The following USP48 variants were observed in gnomAD, a reference collection of about 807,000 sequenced individuals.
USP48 encodes the protein ubiquitin carboxyl-terminal hydrolase 48.
Under a neutral mutation model 150.7 loss-of-function variants are expected in USP48, and 43 were observed. That is an observed-to-expected ratio of 0.29 (90% CI 0.22 to 0.37). The LOEUF (loss-of-function observed/expected upper bound fraction) is 0.37. Ranked by LOEUF, USP48 falls within the 10% of genes least tolerant of loss-of-function variation. The pLI, the probability that USP48 is intolerant of heterozygous loss-of-function variation, is 1.00. For synonymous variants in USP48, 396 were observed against 425.9 expected (o/e 0.93, Z 0.86); for missense variants, 813 against 1,249.6 (o/e 0.65, Z 5.27).
intron 15 of USP48, among the ~76,000 whole-genome samples, chr1:21,709,115 G>A (rs970081598): frequency 2.0e-5 from 3 of 151,742 alleles, no homozygotes; most frequent in Non-Finnish European, 4.4e-5. Context: ...CGAACTTCTG[G>A]TTTTAAGCAA....
intron 1 of USP48, among the ~76,000 whole-genome samples, chr1:21,763,594 A>C (rs2097855057): frequency 6.6e-6 from 1 of 152,222 alleles, no homozygotes; most frequent in African/African-American, 2.4e-5. Flanking sequence ...CGGGCAGATC[A>C]CCTGAGGTCG....
chr1:21,721,726 G>A lies in USP48; in HGVS notation c.1687C>T (p.Arg563Cys), dbSNP rs1360892415. The A allele has an allele frequency of 3.1e-6, 5 of 1,607,222 alleles. No homozygotes were observed. The highest frequency in any genetic ancestry group is 1.3e-5 in the African/African-American group (1 of 74,736). The change falls in exon 13 of 27, where the codon CGC becomes TGC. Residue 563 changes from arginine to cysteine, a missense_variant. Coordinates refer to ENST00000308271, the MANE Select transcript of USP48 (RefSeq NM_032236.8). The stretch of plus-strand genomic sequence containing the variant: ...AGTTGGTTCTTCAGACGCAATATGC[G>A]ACAACGTTCTACTACACATTCCTTA... ...LCKECVVERC[R>C]ILRLKNQLNE...
intron 1 of USP48, among the ~76,000 whole-genome samples, chr1:21,763,832 G>C (rs2097855598): frequency 7.1e-6 from 1 of 141,548 alleles, no homozygotes; most frequent in Admixed American, 7.0e-5. Flanking sequence ...AGGAAGGGAG[G>C]AAGGAAGGGA....
intron 25 of USP48, 110 bp downstream of exon 25, chr1:21,687,081 C>A: frequency 9.9e-7 from 1 of 1,011,772 alleles, no homozygotes; most frequent in Non-Finnish European, 1.5e-6. Flanking sequence ...TATGTGGAAG[C>A]TTTTTTCAAG....
chr1:21,703,903 T>A (rs1364371225), intron 20 of USP48, among the ~76,000 whole-genome samples: 1 of 152,154 alleles, frequency 6.6e-6, no homozygotes, highest in Non-Finnish European at 1.5e-5. Context: ...TTTATTATTT[T>A]GTAGAGAGAA....
Position 21,782,906 on chromosome 1 carries a change from C to A in USP48, c.52G>T (p.Val18Leu). ...EKAAWRWAET[V>L]RPEEVSQEHI... ...TCCTGCGACACCTCCTCGGGCCGCA[C>A]CGTCTCCGCCCAGCGCCAGGCCGCC... The change falls in exon 1 of 27, where the codon GTG becomes TTG. Residue 18 changes from valine to leucine, a missense_variant. Coordinates refer to ENST00000308271, the MANE Select transcript of USP48 (RefSeq NM_032236.8). 6.4e-7 allele frequency: 1 copy of A among 1,552,134 alleles called. No individual in the cohort carries two copies. The highest frequency in any genetic ancestry group is 1.9e-5 in the Admixed American group (1 of 51,656).
intron 1 of USP48, among the ~76,000 whole-genome samples, chr1:21,773,126 G>A (rs1340020321): frequency 6.6e-6 from 1 of 150,480 alleles, no homozygotes; most frequent in Non-Finnish European, 1.5e-5. Flanking sequence ...ATAGTGGCAG[G>A]CACCTGTAGT....
At chr1:21,755,455 G>T (rs2097830076) in intron 3 of USP48, among the ~76,000 whole-genome samples, 1 of 152,166 alleles carries the variant, frequency 6.6e-6, no homozygotes, top group Non-Finnish European at 1.5e-5. Context: ...CAACTACTCG[G>T]GGGGGCTCTG....
intron 8 of USP48, among the ~76,000 whole-genome samples, 157 bp from the exon 9 acceptor site, chr1:21,736,782 A>G (rs2097769683): frequency 6.6e-6 from 1 of 152,230 alleles, no homozygotes; most frequent in African/African-American, 2.4e-5. Context: ...AATAATGTAT[A>G]ATTACACTCC....
intron 11 of USP48, chr1:21,727,798 G>A: frequency 1.1e-6 from 1 of 892,426 alleles, no homozygotes. Context: ...TTTGCTTAAA[G>A]TTATACTAGT....
At chr1:21,756,829 C>T in intron 2 of USP48, 127 bp from the exon 3 acceptor site, 1 of 1,436,212 alleles carries the variant, frequency 7.0e-7, no homozygotes, top group Non-Finnish European at 9.1e-7. Context: ...GTATAGCCAC[C>T]TTAAGTTTCT....
chr1:21,683,617 G>A (rs2097572774), intron 25 of USP48, among the ~76,000 whole-genome samples: 1 of 152,136 alleles, frequency 6.6e-6, no homozygotes, highest in Non-Finnish European at 1.5e-5. Context: ...GAACTCTTGG[G>A]TTCAAGTGAT....
chr1:21,715,261 G>T, intron 15 of USP48, 128 bp downstream of exon 15: 1 of 593,138 alleles, frequency 1.7e-6, no homozygotes, highest in Non-Finnish European at 3.0e-6. Context: ...TCTAAATATG[G>T]GGAAATTCTA....
intron 1 of USP48, among the ~76,000 whole-genome samples, chr1:21,770,860 C>T (rs1395837835): frequency 1.3e-5 from 2 of 151,962 alleles, no homozygotes; most frequent in Non-Finnish European, 2.9e-5. Context: ...CAGTGGCTCA[C>T]GCCTGTAATC....
chr1:21,756,455 TG>T (rs1245661812), intron 3 of USP48, 90 bp downstream of exon 3: 1 of 1,408,374 alleles, frequency 7.1e-7, no homozygotes, highest in Non-Finnish European at 9.4e-7. Context: ...CACTCTGGCT[TG>T]GGAAACAGAG....
At chr1:21,780,392 C>T (rs892495606) in intron 1 of USP48, among the ~76,000 whole-genome samples, 1 of 151,708 alleles carries the variant, frequency 6.6e-6, no homozygotes, top group Non-Finnish European at 1.5e-5. Context: ...AGGGGCTGGG[C>T]GAGGGGGGAA....
chr1:21,771,506 G>A (rs1341894728), intron 1 of USP48, among the ~76,000 whole-genome samples: 1 of 150,528 alleles, frequency 6.6e-6, no homozygotes, highest in Non-Finnish European at 1.5e-5. Context: ...AGAACCATGA[G>A]AAAAATTCTA....
chr1:21,708,896 AAAAAAAG>A (rs1240332767), intron 15 of USP48, among the ~76,000 whole-genome samples: 19 of 107,646 alleles, frequency 1.8e-4, no homozygotes, highest in African/African-American at 5.0e-4. Context: ...AAAAAAAAAA[AAAAAAAG>A]AAAGAAAAGA....
At chr1:21,703,333 C>G (rs994252889) in intron 21 of USP48, among the ~76,000 whole-genome samples, 179 bp downstream of exon 21, 1 of 152,156 alleles carries the variant, frequency 6.6e-6, no homozygotes, top group Non-Finnish European at 1.5e-5. Context: ...AAACTAAATT[C>G]TCATATAATC....
Sources: allele counts gnomAD v4.1 joint callset (sites outside exome capture counted in the v4.1 genomes callset), GRCh38; gene constraint gnomAD v4.1.1; transcripts MANE v1.5; gene names NCBI Gene and HGNC (gene_info 2026-07-23, HGNC 2026-07-21).